Variants in LDLRAD4 observed in about 807,000 individuals in gnomAD.
The protein encoded by LDLRAD4 is low density lipoprotein receptor class A domain containing 4.
A neutral mutation model predicts 17.0 loss-of-function variants in LDLRAD4; 5 were observed. That is an observed-to-expected ratio of 0.29 (90% CI 0.15 to 0.62). LDLRAD4 has a LOEUF of 0.62. LDLRAD4 is among the 20% of genes least tolerant of loss of function. The pLI is 0.84. For missense variants in LDLRAD4, 340 were observed against 424.7 expected (o/e 0.80, Z 1.75); for synonymous variants, 168 against 171.8 (o/e 0.98, Z 0.17).
chr18:13,255,019 A>C (rs2043426518), intron 1 of LDLRAD4, among the ~76,000 whole-genome samples: 2 of 152,248 alleles, frequency 1.3e-5, no homozygotes, highest in African/African-American at 4.8e-5. Context: ...GGGCAGCAAG[A>C]CTAAAACAGT....
chr18:13,386,899 G>C (rs148763498), intron 1 of LDLRAD4, among the ~76,000 whole-genome samples: 1 of 19,842 alleles, frequency 5.0e-5, no homozygotes, highest in Non-Finnish European at 1.7e-4. Flanking sequence ...TTCATAGATA[G>C]ATAGATAGAT....
intron 4 of LDLRAD4, among the ~76,000 whole-genome samples, chr18:13,641,273 T>C (rs1352984756): frequency 2.6e-5 from 4 of 152,064 alleles, no homozygotes; most frequent in East Asian, 1.9e-4. Flanking sequence ...CCCATCTCAA[T>C]AGATGGATTA....
intron 3 of LDLRAD4, among the ~76,000 whole-genome samples, chr18:13,573,921 G>T (rs977953650): frequency 1.3e-5 from 2 of 152,150 alleles, no homozygotes; most frequent in African/African-American, 2.4e-5. Context: ...TCCCATCTCC[G>T]CATTTCCTGG....
At chr18:13,281,338 A>G (rs549428702) in intron 1 of LDLRAD4, among the ~76,000 whole-genome samples, 1 of 152,304 alleles carries the variant, frequency 6.6e-6, no homozygotes, top group Admixed American at 6.5e-5. Context: ...GCAGTGAGCT[A>G]TGATCATGCC....
intron 1 of LDLRAD4, among the ~76,000 whole-genome samples, chr18:13,291,997 G>C (rs1340989996): frequency 6.6e-6 from 1 of 152,120 alleles, no homozygotes; most frequent in East Asian, 1.9e-4. Flanking sequence ...TTCCCTTCTA[G>C]GCTACCAAAC....
chr18:13,586,691 C>T (rs193063208), intron 3 of LDLRAD4, among the ~76,000 whole-genome samples: 200 of 151,852 alleles, frequency 1.3e-3, no homozygotes, highest in Middle Eastern at 3.4e-3. Flanking sequence ...GTTTGAGACC[C>T]CAGCCTGGCC....
In LDLRAD4 at chr18:13,467,764, G is replaced by T. The variant is rs185150224; in HGVS notation, c.181+29380G>T. Among the ~76,000 whole-genome samples the T allele has an allele frequency of 2.6e-4, 39 of 152,328 alleles. No homozygotes were observed. In the East Asian group the frequency reaches 6.7e-3, roughly 26 times the overall value. On this transcript the variant is annotated intron_variant, in intron 3 of 5. Coordinates refer to ENST00000359446, the Ensembl canonical transcript of LDLRAD4. ...TTACAAAAGTACTGTAATCAACACG[G>T]TGTGGCGTGGACTTCAGGATAGATG...
intron 3 of LDLRAD4, among the ~76,000 whole-genome samples, chr18:13,478,955 A>G (rs1158804734): frequency 6.6e-6 from 1 of 152,228 alleles, no homozygotes; most frequent in Non-Finnish European, 1.5e-5. Flanking sequence ...GACAGCCCAG[A>G]AGCAGATCCA....
At chr18:13,547,003 C>T (rs78646763) in intron 3 of LDLRAD4, among the ~76,000 whole-genome samples, 3,332 of 152,260 alleles carry the variant, frequency 0.022, 131 homozygotes, top group African/African-American at 0.074. Flanking sequence ...GGTGACACTG[C>T]GCAGCTGTTG....
At chr18:13,274,675 T>A (rs549426801), upstream of LDLRAD4, among the ~76,000 whole-genome samples, 1 of 152,186 alleles carries the variant, frequency 6.6e-6, no homozygotes, top group African/African-American at 2.4e-5. Context: ...TGAATAAAGT[T>A]TTTCTTTTGT....
At chr18:13,438,357 G>A (rs200069437) in exon 3 of LDLRAD4, 4 of 1,614,066 alleles carry the variant, frequency 2.5e-6, no homozygotes, top group Non-Finnish European at 2.5e-6. Context: ...CCTGGTGACC[G>A]AGCACCCGCC....
At chr18:13,585,060 C>T (rs552588337) in intron 3 of LDLRAD4, among the ~76,000 whole-genome samples, 9 of 152,332 alleles carry the variant, frequency 5.9e-5, no homozygotes, top group African/African-American at 9.6e-5. Context: ...CAAATGCAGA[C>T]GAGGCCTTTT....
At chr18:13,297,792 C>T (rs562235681) in intron 1 of LDLRAD4, among the ~76,000 whole-genome samples, 2 of 152,208 alleles carry the variant, frequency 1.3e-5, no homozygotes, top group East Asian at 1.9e-4. Flanking sequence ...AGAGTGAGAC[C>T]GTCTCTAAAA....
At chr18:13,518,946 G>A (rs559331797) in intron 3 of LDLRAD4, among the ~76,000 whole-genome samples, 51 of 152,128 alleles carry the variant, frequency 3.4e-4, no homozygotes, top group Non-Finnish European at 4.6e-4. Context: ...ACCATTCTAC[G>A]GAGGATATAA....
intron 3 of LDLRAD4, among the ~76,000 whole-genome samples, chr18:13,447,711 T>A (rs1435017517): frequency 6.6e-6 from 1 of 152,192 alleles, no homozygotes; most frequent in African/African-American, 2.4e-5. Flanking sequence ...GATAGTAATT[T>A]TCAGTGTCAG....
At chr18:13,505,790 T>C (rs1439111472) in intron 3 of LDLRAD4, among the ~76,000 whole-genome samples, 3 of 151,862 alleles carry the variant, frequency 2.0e-5, no homozygotes, top group Non-Finnish European at 4.4e-5. Context: ...TGCATTCCAG[T>C]CTGGGCGACA....
chr18:13,417,805 C>T (rs189796201), intron 2 of LDLRAD4, among the ~76,000 whole-genome samples: 3 of 152,050 alleles, frequency 2.0e-5, no homozygotes, highest in Non-Finnish European at 4.4e-5. Flanking sequence ...TTCCTTTTTG[C>T]TCAATCAGTT....
chr18:13,272,095 C>T (rs986144199), intron 1 of LDLRAD4, among the ~76,000 whole-genome samples: 5 of 152,032 alleles, frequency 3.3e-5, no homozygotes, highest in East Asian at 3.9e-4. Context: ...GGGGTTTCAC[C>T]GTGTTAGCCA....
Position 13,301,985 on chromosome 18 carries a change from C to T in LDLRAD4, c.-383+23797C>T, listed in dbSNP as rs145089233. Reference sequence around the variant, plus strand: ...CCTGCCCCAACCCTCAGTTTCCCTCCACTCTCTCCCCCTCCCAGATACGTA... The same window carrying T: ...CCTGCCCCAACCCTCAGTTTCCCTCTACTCTCTCCCCCTCCCAGATACGTA... On this transcript the variant is annotated intron_variant, in intron 1 of 5. Transcript: ENST00000359446. 5.3e-5 allele frequency among the ~76,000 whole-genome samples: 8 copies of T among 152,334 alleles called. No individual in the cohort carries two copies. The East Asian group carries it at 1.4e-3, about 26-fold the overall frequency.
Sources: gnomAD v4.1 joint callset for allele counts (sites outside exome capture counted in the v4.1 genomes callset) on GRCh38, gnomAD v4.1.1 for gene constraint, MANE v1.5 for transcripts, NCBI Gene and HGNC (gene_info 2026-07-23, HGNC 2026-07-21) for gene names.